The following STARD8 variants were observed in gnomAD, a reference collection of about 807,000 sequenced individuals.
STARD8 encodes StAR related lipid transfer domain containing 8.
STARD8 carries 25 observed loss-of-function variants against 69.4 expected under a neutral mutation model. The ratio of observed to expected loss-of-function variants is 0.36; its 90% CI spans 0.26 to 0.50. The LOEUF is 0.50. Among genes scored for constraint, STARD8 ranks in the 20% least tolerant of loss-of-function variants. The probability of loss-of-function intolerance (pLI) is 0.96; values close to 1 mark genes in which losing one functional copy is unlikely to be tolerated. For synonymous variants in STARD8, 389 were observed against 374.6 expected (o/e 1.04, Z -0.45); for missense variants, 921 against 932.5 (o/e 0.99, Z 0.16).
chrX:68,722,536 A>G lies in STARD8; in HGVS notation c.2689A>G (p.Ser897Gly). 2 of 1,211,832 alleles carry G rather than the reference A, an allele frequency of 1.7e-6. No individual in the cohort carries two copies. Among genetic ancestry groups the G allele is most frequent in the South Asian group, 3.5e-5 (2 of 57,006 alleles). ...RQAQAAGVSL[S>G]LYMEENIQDL... ...GGCCCAAGCTGCAGGGGTAAGCCTG[A>G]GCCTCTACATGGAAGAGAATATCCA... Residue 897 changes from serine (S) to glycine (G), a missense_variant, in exon 12 of 15, where the codon AGC becomes GGC. Physicochemically the swap from Ser to Gly is moderately conservative, Grantham distance 56. Coordinates refer to ENST00000374599, the MANE Select transcript of STARD8 (RefSeq NM_001142503.3).
chrX:68,684,575 G>A (rs1454805680), intron 2 of STARD8, among the ~76,000 whole-genome samples: 2 of 112,566 alleles, frequency 1.8e-5, no homozygotes, highest in African/African-American at 6.5e-5. Flanking sequence ...GGAGGGGGCT[G>A]CCCCTGTGAG....
In STARD8 at chrX:68,718,634, G is replaced by C. The variant is rs756359243; in HGVS notation, c.1715+5G>C. On this transcript the variant is annotated splice_donor_5th_base_variant and intron_variant, in intron 6 of 14. Coordinates refer to ENST00000374599, the MANE Select transcript of STARD8 (RefSeq NM_001142503.3). ...CTCACTTACCAGACCCTGCAGGTGA[G>C]AGTTTGGGTTGGGATGGGGCGGACG... The C allele has an allele frequency of 8.4e-7, 1 of 1,186,066 alleles. No homozygotes were observed. The highest frequency in any genetic ancestry group is 1.9e-5 in the South Asian group (1 of 52,045).
At chrX:68,719,081 C>T (rs894833505) in intron 6 of STARD8, 144 bp from the exon 7 acceptor site, 4 of 766,527 alleles carry the variant, frequency 5.2e-6, no homozygotes, top group Non-Finnish European at 7.0e-6. Context: ...ACCCTGGGGC[C>T]TCAGCAGCAG....
chrX:68,723,495 C>A, intron 12 of STARD8, 131 bp from the exon 13 acceptor site: 2 of 552,200 alleles, frequency 3.6e-6, no homozygotes, highest in Non-Finnish European at 5.7e-6. Context: ...GTCTGGCCAG[C>A]GCTAGCAGAG....
chrX:68,693,351 C>T (rs1374269564), intron 2 of STARD8, among the ~76,000 whole-genome samples: 2 of 112,897 alleles, frequency 1.8e-5, no homozygotes, highest in Non-Finnish European at 3.7e-5. Context: ...GTTTAAATCC[C>T]CCAAACAGTG....
At chrX:68,679,657 G>A (rs1466380946) in intron 2 of STARD8, among the ~76,000 whole-genome samples, 1 of 112,130 alleles carries the variant, frequency 8.9e-6, no homozygotes. Context: ...TATGCTGCTG[G>A]GGCCATGCAG....
At chrX:68,721,156 C>G in intron 9 of STARD8, 34 bp downstream of exon 9, 9 of 1,190,948 alleles carry the variant, frequency 7.6e-6, no homozygotes, top group South Asian at 1.8e-5. Flanking sequence ...AACAACCTGT[C>G]CCATTCTCAA....
chrX:68,720,873 C>T (rs772608456), intron 8 of STARD8, 51 bp from the exon 9 acceptor site: 1 of 1,134,673 alleles, frequency 8.8e-7, no homozygotes, highest in African/African-American at 1.8e-5. Context: ...CACAGTCTGC[C>T]TCCTACTCAT....
intron 3 of STARD8, among the ~76,000 whole-genome samples, chrX:68,714,771 G>A (rs1338553752): frequency 1.8e-5 from 2 of 112,188 alleles, no homozygotes; most frequent in African/African-American, 6.5e-5. Flanking sequence ...AGAGAGCTGT[G>A]AGACTTCTCA....
intron 2 of STARD8, among the ~76,000 whole-genome samples, chrX:68,673,643 C>T (rs993662219): frequency 2.7e-5 from 3 of 112,278 alleles, no homozygotes; most frequent in African/African-American, 9.7e-5. Flanking sequence ...CAGATAGTTG[C>T]CAGGGTAAAA....
At chrX:68,689,300 G>GGT (rs1389370103) in intron 2 of STARD8, among the ~76,000 whole-genome samples, 1 of 106,444 alleles carries the variant, frequency 9.4e-6, no homozygotes, top group Non-Finnish European at 1.9e-5. Context: ...AGGCGTTAGT[G>GGT]GGGTGCTCCA....
intron 2 of STARD8, among the ~76,000 whole-genome samples, chrX:68,674,268 G>A (rs2079749452): frequency 9.7e-6 from 1 of 103,070 alleles, no homozygotes; most frequent in Middle Eastern, 4.3e-3. Context: ...CCTGCAGCCT[G>A]GGCGACAAGA....
intron 2 of STARD8, among the ~76,000 whole-genome samples, chrX:68,666,789 G>T (rs925680450): frequency 3.6e-5 from 4 of 112,251 alleles, no homozygotes; most frequent in Non-Finnish European, 5.6e-5. Context: ...ATTCCAAGGC[G>T]TCTTGCTGCG....
chrX:68,666,821 G>A (rs991244511), intron 2 of STARD8, among the ~76,000 whole-genome samples: 5 of 112,302 alleles, frequency 4.5e-5, no homozygotes, highest in African/African-American at 1.6e-4. Context: ...TTGCAACAGA[G>A]ACTTCTGAGG....
intron 2 of STARD8, among the ~76,000 whole-genome samples, chrX:68,668,189 CCCTT>C (rs1489884655): frequency 1.5e-4 from 15 of 97,843 alleles, no homozygotes; most frequent in Non-Finnish European, 1.6e-4. Context: ...TTCCTACCTA[CCCTT>C]CCTTCCTTCC....
chrX:68,663,941 C>T (rs942355143), intron 1 of STARD8, among the ~76,000 whole-genome samples: 8 of 111,935 alleles, frequency 7.1e-5, no homozygotes, highest in African/African-American at 2.3e-4. Context: ...CCCCATCCCT[C>T]CTCTCTCCTG....
intron 2 of STARD8, among the ~76,000 whole-genome samples, chrX:68,676,570 C>A (rs1380410591): frequency 8.9e-6 from 1 of 111,985 alleles, no homozygotes; most frequent in East Asian, 2.8e-4. Context: ...TAGCCCTCTG[C>A]CATTCTCTGA....
intron 2 of STARD8, among the ~76,000 whole-genome samples, chrX:68,675,077 C>A (rs764727610): frequency 1.8e-5 from 2 of 109,945 alleles, no homozygotes; most frequent in Non-Finnish European, 3.8e-5. Context: ...CTGCCTCAGC[C>A]TCCCCGAGTA....
At chrX:68,653,272 C>A (rs1569351205) in intron 1 of STARD8, among the ~76,000 whole-genome samples, 27 of 50,625 alleles carry the variant, frequency 5.3e-4, no homozygotes, top group Non-Finnish European at 9.4e-4. Flanking sequence ...ACACCACACA[C>A]CACACCACAC....
Sources: gnomAD v4.1 joint callset for allele counts (sites outside exome capture counted in the v4.1 genomes callset) on GRCh38, gnomAD v4.1.1 for gene constraint, MANE v1.5 for transcripts, NCBI Gene and HGNC (gene_info 2026-07-23, HGNC 2026-07-21) for gene names.